The following TENM2 variants were observed in gnomAD, a reference collection of about 807,000 sequenced individuals.
TENM2 encodes teneurin transmembrane protein 2, also known as teneurin-2.
Under a neutral mutation model 245.2 loss-of-function variants are expected in TENM2, and 52 were observed. The ratio of observed to expected loss-of-function variants is 0.21; its 90% CI spans 0.17 to 0.27. The LOEUF (loss-of-function observed/expected upper bound fraction) is 0.27. Among genes scored for constraint, TENM2 ranks in the 10% least tolerant of loss-of-function variants. TENM2 has a pLI of 1.00. For missense variants in TENM2, 3,046 were observed against 3,666.8 expected (o/e 0.83, Z 4.37); for synonymous variants, 1,363 against 1,438.9 (o/e 0.95, Z 1.19).
intron 2 of TENM2, among the ~76,000 whole-genome samples, chr5:167,518,305 T>G (rs1770531284): frequency 6.6e-6 from 1 of 152,160 alleles, no homozygotes. Flanking sequence ...AAACCTGGAT[T>G]TCCCTCTATT....
upstream of TENM2, among the ~76,000 whole-genome samples, chr5:167,280,630 C>G (rs1770987417): frequency 6.6e-6 from 1 of 152,074 alleles, no homozygotes; most frequent in South Asian, 2.1e-4. Flanking sequence ...TTCTTGTGAG[C>G]CTGCCCCTTT....
chr5:168,029,772 A>G (rs1173826173), intron 5 of TENM2, among the ~76,000 whole-genome samples: 1 of 152,190 alleles, frequency 6.6e-6, no homozygotes, highest in East Asian at 1.9e-4. Flanking sequence ...TTTAGAGTTT[A>G]TATGTTTGGC....
chr5:167,386,554 A>T (rs1761443429), intron 2 of TENM2, among the ~76,000 whole-genome samples: 1 of 151,852 alleles, frequency 6.6e-6, no homozygotes, highest in Admixed American at 6.6e-5. Context: ...TTTTTATTGC[A>T]TTTGCTTTTG....
rs768863115 is a variant in TENM2, at chr5:167,284,855, G to A, written c.18G>A (p.Arg6=). Residue 6 remains arginine (R), a synonymous_variant, in exon 1 of 29, where the codon CGG becomes CGA. Transcript: ENST00000518659. The stretch of plus-strand genomic sequence containing the variant: ...CTGGAATAATGGATGTAAAGGACCG[G>A]CGACACCGCTCTTTGACCAGAGGAC... 1.5e-5 allele frequency: 24 copies of A among 1,551,242 alleles called. No individual in the cohort carries two copies. In the South Asian group the frequency reaches 2.1e-4, roughly 14 times the overall value.
rs752730315 is a variant in TENM2 at position 168,114,790 on chromosome 5, G to T, written c.1814-3502G>T. The stretch of plus-strand genomic sequence containing the variant: ...TTTACCACACTCCCAGTGAGCACGC[G>T]GCAAACCCTGAAGGAAGGCTGCGTT... On this transcript the variant is annotated intron_variant, in intron 9 of 28. Transcript: ENST00000518659. 2.0e-5 allele frequency among the ~76,000 whole-genome samples: 3 copies of T among 152,286 alleles called. No homozygotes were observed. The South Asian group carries it at 6.2e-4, about 32-fold the overall frequency.
chr5:167,247,745 A>C, the TENM2 span, among the ~76,000 whole-genome samples: 5 of 152,152 alleles, frequency 3.3e-5, no homozygotes, highest in African/African-American at 1.2e-4. Flanking sequence ...GAAGCCTGAG[A>C]AATCCTTGAA....
At chr5:167,288,572 A>G (rs559233004) in intron 1 of TENM2, among the ~76,000 whole-genome samples, 5 of 151,844 alleles carry the variant, frequency 3.3e-5, no homozygotes, top group Admixed American at 6.6e-5. Context: ...AAAAAAAAAA[A>G]AAGAAAAAGA....
chr5:167,773,703 GA>G (rs1246807998), intron 2 of TENM2, among the ~76,000 whole-genome samples: 1 of 152,054 alleles, frequency 6.6e-6, no homozygotes. Flanking sequence ...TATTAGACAA[GA>G]TTTCGGCTCC....
chr5:168,263,149 G>A, downstream of TENM2: 2 of 215,248 alleles, frequency 9.3e-6, no homozygotes, highest in Admixed American at 5.4e-5. Flanking sequence ...AGGAACAAAA[G>A]AACAAAAACG....
In TENM2 at chr5:167,502,355, C is replaced by T. The variant is rs146916558; in HGVS notation, c.502+126882C>T. On this transcript the variant is annotated intron_variant, in intron 2 of 28. Coordinates refer to ENST00000518659, the Ensembl canonical transcript of TENM2. ...AATAGAATGAATAGATGCAAGAAAA[C>T]AGCATGCAACAATTTAATGAAAGAG... Among the ~76,000 whole-genome samples, 705 of 152,262 alleles carry T rather than the reference C, an allele frequency of 4.6e-3. 5 individuals carry two copies. The highest frequency in any genetic ancestry group is 0.016 in the African/African-American group (663 of 41,562).
intron 2 of TENM2, among the ~76,000 whole-genome samples, chr5:167,853,206 C>T (rs112040901): frequency 0.016 from 2,316 of 142,310 alleles, 72 homozygotes; most frequent in African/African-American, 0.056. Flanking sequence ...AGGAGAATGG[C>T]GTGAACCCGG....
intron 1 of TENM2, among the ~76,000 whole-genome samples, chr5:167,290,118 A>G (rs1301564611): frequency 6.6e-6 from 1 of 152,208 alleles, no homozygotes; most frequent in African/African-American, 2.4e-5. Flanking sequence ...TTTAAAAAAT[A>G]TCCTTAGAAA....
intron 3 of TENM2, among the ~76,000 whole-genome samples, chr5:167,939,903 T>C (rs1397449429): frequency 6.6e-6 from 1 of 152,212 alleles, no homozygotes; most frequent in Non-Finnish European, 1.5e-5. Context: ...CATTTTCAGG[T>C]GGCAGAAAGA....
At chr5:167,349,973 A>G (rs905319587) in intron 1 of TENM2, among the ~76,000 whole-genome samples, 2 of 152,206 alleles carry the variant, frequency 1.3e-5, no homozygotes, top group African/African-American at 2.4e-5. Context: ...CAGAGTTTTT[A>G]AATTTATAGT....
intron 2 of TENM2, among the ~76,000 whole-genome samples, chr5:167,406,980 T>G (rs1299777402): frequency 1.3e-5 from 2 of 152,170 alleles, no homozygotes; most frequent in Non-Finnish European, 2.9e-5. Context: ...ATAAGGTGTT[T>G]GTTTACAATG....
the TENM2 span, among the ~76,000 whole-genome samples, chr5:167,079,448 G>C: frequency 6.6e-6 from 1 of 150,876 alleles, no homozygotes; most frequent in Non-Finnish European, 1.5e-5. Flanking sequence ...TGAGTAGCTG[G>C]GATTGTGGGC....
intron 2 of TENM2, among the ~76,000 whole-genome samples, chr5:167,381,694 T>C (rs1472353136): frequency 1.3e-5 from 2 of 152,174 alleles, no homozygotes; most frequent in East Asian, 3.8e-4. Flanking sequence ...GTTTAAGGTC[T>C]GACTTAGCCT....
chr5:167,781,049 G>A (rs189195859), intron 2 of TENM2, among the ~76,000 whole-genome samples: 138 of 152,192 alleles, frequency 9.1e-4, no homozygotes, highest in Non-Finnish European at 1.6e-3. Flanking sequence ...GGTGGCTCAC[G>A]CTTGTAATCC....
chr5:168,238,299 G>GAAAAGA (rs1554230444), intron 25 of TENM2, among the ~76,000 whole-genome samples: 16 of 143,144 alleles, frequency 1.1e-4, no homozygotes, highest in Non-Finnish European at 2.3e-4. Flanking sequence ...GAAAAGAAAA[G>GAAAAGA]AAAAAATCCC....
Sources: allele counts gnomAD v4.1 joint callset (sites outside exome capture counted in the v4.1 genomes callset), GRCh38; gene constraint gnomAD v4.1.1; transcripts MANE v1.5; gene names NCBI Gene and HGNC (gene_info 2026-07-23, HGNC 2026-07-21).